SASH1: variants seen among roughly 807,000 people sequenced by gnomAD.
The protein encoded by SASH1 is SAM and SH3 domain-containing protein 1.
In SASH1, 44 loss-of-function variants were observed where a neutral mutation model predicts 125.2. That is an observed-to-expected ratio of 0.35 (90% confidence interval 0.28 to 0.45). The LOEUF is 0.45. Ranked by LOEUF, SASH1 falls within the 20% of genes least tolerant of loss-of-function variation. The pLI, the probability that SASH1 is intolerant of heterozygous loss-of-function variation, is 1.00. For synonymous variants in SASH1, 639 were observed against 649.1 expected (o/e 0.98, Z 0.24); for missense variants, 1,426 against 1,614.5 (o/e 0.88, Z 2.00).
intron 10 of SASH1, chr6:148,524,986 T>C (rs1284153693): frequency 1.5e-5 from 5 of 340,652 alleles, no homozygotes. Flanking sequence ...AGCACTGGAC[T>C]CATGGAGGGT....
chr6:148,412,625 C>G (rs1054183831), intron 2 of SASH1, among the ~76,000 whole-genome samples: 1 of 152,080 alleles, frequency 6.6e-6, no homozygotes, highest in Non-Finnish European at 1.5e-5. Context: ...GCCATACAAG[C>G]ACAACACCAG....
chr6:148,195,647 G>T, the SASH1 span, among the ~76,000 whole-genome samples: 1 of 152,204 alleles, frequency 6.6e-6, no homozygotes, highest in Non-Finnish European at 1.5e-5. Flanking sequence ...CAGGTGGGTG[G>T]TGGCTTCCCG....
At chr6:148,223,223 C>T in the SASH1 span, among the ~76,000 whole-genome samples, 2 of 152,168 alleles carry the variant, frequency 1.3e-5, no homozygotes, top group East Asian at 3.8e-4. Flanking sequence ...ACTAGGTGGG[C>T]CTCCAATCTC....
At chr6:148,505,186 A>G (rs1583268872) in intron 8 of SASH1, among the ~76,000 whole-genome samples, 4 of 152,232 alleles carry the variant, frequency 2.6e-5, no homozygotes, top group Non-Finnish European at 5.9e-5. Context: ...GGCTCTTCCC[A>G]TGTGGCACAG....
rs765382768 is a variant in SASH1, at chr6:148,544,689, C to A, written c.3219C>A (p.His1073Gln). The A allele has an allele frequency of 2.5e-6, 4 of 1,612,682 alleles. No homozygotes were observed. The highest frequency in any genetic ancestry group is 1.3e-5 in the African/African-American group (1 of 74,990). The change falls in exon 18 of 20, where the codon CAC becomes CAA. Residue 1073 changes from histidine to glutamine, a missense_variant. Coordinates refer to ENST00000367467, the MANE Select transcript of SASH1 (RefSeq NM_015278.5). The surrounding 1 kb of genome is among the most constrained non-coding windows in gnomAD (Gnocchi z 6.4). ...ELPENTSLQEHGVKLGPALTR... is the reference protein window; with the variant it reads ...ELPENTSLQEQGVKLGPALTR... ...CCGAGAACACAAGCCTCCAGGAGCA[C>A]GGTGTGAAGCTGGGCCCGGCTTTGA...
At chr6:148,199,441 G>A in the SASH1 span, among the ~76,000 whole-genome samples, 50 of 151,682 alleles carry the variant, frequency 3.3e-4, no homozygotes, top group African/African-American at 1.2e-3. Flanking sequence ...TTTAAGGACT[G>A]TAGTTGTTTC....
At chr6:148,412,220 G>A (rs1486646401) in intron 2 of SASH1, among the ~76,000 whole-genome samples, 1 of 152,166 alleles carries the variant, frequency 6.6e-6, no homozygotes, top group Non-Finnish European at 1.5e-5. Context: ...GTTCACTTAA[G>A]AAATCACTTT....
At chr6:148,368,763 C>T (rs1412835747) in intron 1 of SASH1, among the ~76,000 whole-genome samples, 3 of 124,170 alleles carry the variant, frequency 2.4e-5, no homozygotes, top group Non-Finnish European at 3.3e-5. Context: ...TGCGCGCGCA[C>T]GCGCGCGCAC....
intron 8 of SASH1, among the ~76,000 whole-genome samples, chr6:148,492,890 A>G (rs889173229): frequency 6.6e-6 from 1 of 152,174 alleles, no homozygotes; most frequent in African/African-American, 2.4e-5. Context: ...ACACTCGTGT[A>G]TGCACACAGA....
intron 1 of SASH1, among the ~76,000 whole-genome samples, chr6:148,382,885 CT>C (rs1222745679): frequency 6.6e-6 from 1 of 152,218 alleles, no homozygotes; most frequent in Non-Finnish European, 1.5e-5. Context: ...GGGTGTGCCC[CT>C]GGGGGCTTCA....
chr6:148,194,629 C>A, the SASH1 span, among the ~76,000 whole-genome samples: 1 of 152,120 alleles, frequency 6.6e-6, no homozygotes, highest in Non-Finnish European at 1.5e-5. Flanking sequence ...TGTTCAGGTC[C>A]AGGTGCGGTG....
chr6:148,452,843 C>T (rs1408046315), intron 4 of SASH1, among the ~76,000 whole-genome samples: 1 of 152,232 alleles, frequency 6.6e-6, no homozygotes, highest in Non-Finnish European at 1.5e-5. Context: ...GCCCTTCCCA[C>T]ATGACCTTTC....
chr6:148,263,472 A>G, the SASH1 span, among the ~76,000 whole-genome samples: 6 of 152,184 alleles, frequency 3.9e-5, no homozygotes, highest in Non-Finnish European at 7.3e-5. Flanking sequence ...CTCATTGATA[A>G]TGTAATAACC....
At chr6:148,371,928 C>T (rs950530466) in intron 1 of SASH1, among the ~76,000 whole-genome samples, 1 of 152,138 alleles carries the variant, frequency 6.6e-6, no homozygotes, top group Admixed American at 6.5e-5. Context: ...AGAACCATTT[C>T]CCCCAGTAGT....
At chr6:148,356,385 C>T (rs1472170120) in intron 1 of SASH1, among the ~76,000 whole-genome samples, 1 of 151,458 alleles carries the variant, frequency 6.6e-6, no homozygotes. Flanking sequence ...ACACACAGCC[C>T]ATGAGGATGC....
intron 8 of SASH1, 59 bp downstream of exon 8, chr6:148,487,774 C>T (rs1260273114): frequency 1.6e-6 from 2 of 1,217,518 alleles, no homozygotes; most frequent in East Asian, 2.4e-5. Context: ...ACAGTCTTCA[C>T]CATTTTAGTC....
intron 1 of SASH1, among the ~76,000 whole-genome samples, chr6:148,317,242 C>G (rs1456064050): frequency 2.6e-5 from 4 of 152,132 alleles, no homozygotes; most frequent in Admixed American, 1.3e-4. Context: ...TCTACTGAAC[C>G]CTTGCATGCG....
At chr6:148,439,925 G>A (rs1156630065) in intron 2 of SASH1, among the ~76,000 whole-genome samples, 1 of 152,162 alleles carries the variant, frequency 6.6e-6, no homozygotes, top group African/African-American at 2.4e-5. Context: ...GACTGAAATT[G>A]TGCTTTTTTT....
chr6:148,391,420 T>C (rs960882707), intron 2 of SASH1, among the ~76,000 whole-genome samples: 6 of 116,520 alleles, frequency 5.1e-5, no homozygotes, highest in Middle Eastern at 4.9e-3. Flanking sequence ...AAGACACTTT[T>C]ATAAAAAAAA....
Sources: gnomAD v4.1 joint callset for allele counts (sites outside exome capture counted in the v4.1 genomes callset) on GRCh38, gnomAD v4.1.1 for gene constraint, Gnocchi (gnomAD v3.1) non-coding constraint, MANE v1.5 for transcripts, NCBI Gene and HGNC (gene_info 2026-07-23, HGNC 2026-07-21) for gene names.